The following AGAP1 variants were observed in gnomAD, a reference collection of about 807,000 sequenced individuals.
AGAP1 encodes arf-GAP with GTPase, ANK repeat and PH domain-containing protein 1.
In AGAP1, 29 loss-of-function variants were observed where a neutral mutation model predicts 105.3. The ratio of observed to expected loss-of-function variants is 0.28; its 90% CI spans 0.21 to 0.38. The LOEUF (loss-of-function observed/expected upper bound fraction) is 0.38. Among genes scored for constraint, AGAP1 ranks in the 10% least tolerant of loss-of-function variants. The pLI is 1.00. For synonymous variants in AGAP1, 509 were observed against 485.9 expected, an observed-to-expected ratio of 1.05 and a Z score of -0.63; for missense variants, 998 against 1,165.1, an observed-to-expected ratio of 0.86 and a Z score of 2.09.
chr2:235,833,628 C>A (rs368975196), intron 9 of AGAP1, among the ~76,000 whole-genome samples: 1 of 151,758 alleles, frequency 6.6e-6, no homozygotes, highest in African/African-American at 2.4e-5. Context: ...CTTTTCGTTA[C>A]AGTGAATGTC....
intron 2 of AGAP1, among the ~76,000 whole-genome samples, chr2:235,709,946 G>GTA (rs1179346721): frequency 1.3e-5 from 2 of 152,244 alleles, no homozygotes; most frequent in East Asian, 1.9e-4. Context: ...GTGTATGTAT[G>GTA]TATATATGTG....
chr2:235,544,016 A>C (rs890764848), intron 1 of AGAP1, among the ~76,000 whole-genome samples: 1 of 152,132 alleles, frequency 6.6e-6, no homozygotes, highest in South Asian at 2.1e-4. Context: ...GCCGTGCCCC[A>C]TTCCTCATGT....
intron 10 of AGAP1, among the ~76,000 whole-genome samples, chr2:235,894,028 A>G (rs140106662): frequency 5.8e-4 from 89 of 152,286 alleles, no homozygotes; most frequent in African/African-American, 2.0e-3. Context: ...AATGCTGCAA[A>G]ATCTAAACAC....
chr2:235,746,377 C>CTTTTTCTTTTTTTTTTTTTTTTTTTTT (rs1553620164), intron 5 of AGAP1, among the ~76,000 whole-genome samples: 2 of 55,546 alleles, frequency 3.6e-5, no homozygotes, highest in Non-Finnish European at 6.1e-5. Context: ...CCTCCCCCAA[C>CTTTTTCTTTTTTTTTTTTTTTTTTTTT]TTTTTTTTTT....
chr2:235,672,212 GC>G lies in AGAP1; in HGVS notation c.164-36963del, dbSNP rs554339965. On this transcript the variant is annotated intron_variant, in intron 1 of 17. Transcript: ENST00000304032. ...AGTGGACTTAACAGGTCAGCTGACT[GC>G]CCCTAGGGTTTATGTTAAAACCAAC... Among the ~76,000 whole-genome samples the G allele has an allele frequency of 7.2e-5, 11 of 152,284 alleles. No individual in the cohort carries two copies. The South Asian group carries it at 2.3e-3, about 32-fold the overall frequency.
Position 235,968,498 on chromosome 2 carries a change from G to T in AGAP1, c.1520G>T (p.Ser507Ile). Residue 507 changes from serine (S) to isoleucine (I), a missense_variant, in exon 13 of 18, where the codon AGT becomes ATT. Ser to Ile is a moderately radical substitution (Grantham distance 142). This residue lies in a region of AGAP1 where 735 missense variants were observed against 833.4 expected (regional missense o/e 0.88). Coordinates refer to ENST00000304032, the MANE Select transcript of AGAP1 (RefSeq NM_001037131.3). ...GLGDSVCSSP[S>I]ISSTTSPKLD... ...GGTGACTCCGTATGCTCCAGCCCCA[G>T]TATCTCCAGCACCACCAGCCCCAAG... 1 of 1,609,882 alleles carries T rather than the reference G, an allele frequency of 6.2e-7. No homozygotes were observed. Among genetic ancestry groups the T allele is most frequent in the East Asian group, 2.2e-5 (1 of 44,528 alleles).
intron 3 of AGAP1, among the ~76,000 whole-genome samples, chr2:235,726,679 C>A (rs1008105280): frequency 6.6e-6 from 1 of 152,146 alleles, no homozygotes; most frequent in Non-Finnish European, 1.5e-5. Flanking sequence ...CCACTGTGCC[C>A]CTGGCCAGGG....
At chr2:235,790,807 C>G (rs1408190941) in intron 6 of AGAP1, among the ~76,000 whole-genome samples, 1 of 152,214 alleles carries the variant, frequency 6.6e-6, no homozygotes, top group African/African-American at 2.4e-5. Flanking sequence ...TACAGCATGG[C>G]CTCAAGCATT....
intron 9 of AGAP1, among the ~76,000 whole-genome samples, chr2:235,821,030 A>G (rs2106284724): frequency 6.6e-6 from 1 of 152,366 alleles, no homozygotes; most frequent in Non-Finnish European, 1.5e-5. Context: ...ACTTTGTCCC[A>G]GTGATCTGTC....
chr2:235,686,635 A>G (rs1372043801), intron 1 of AGAP1, among the ~76,000 whole-genome samples: 2 of 48,398 alleles, frequency 4.1e-5, no homozygotes, highest in African/African-American at 2.2e-4. Context: ...ATATATATAT[A>G]TATATATATA....
rs2054846718 is a variant in AGAP1 at position 235,976,070 on chromosome 2, C to G, written c.1645+7447C>G. ...TGTGGAAAACCAAGAATCAGAACAT[C>G]TTCCTGGGAGATACGCTGGAAATGC... On this transcript the variant is annotated intron_variant, in intron 13 of 17. Transcript: ENST00000304032. The surrounding 1 kb of genome is among the most constrained non-coding windows in gnomAD (Gnocchi z 4.5). 6.6e-6 allele frequency among the ~76,000 whole-genome samples: 1 copy of G among 152,154 alleles called. No homozygotes were observed. Among genetic ancestry groups the G allele is most frequent in the African/African-American group, 2.4e-5 (1 of 41,436 alleles).
chr2:235,967,644 T>C lies in AGAP1; in HGVS notation c.1484-818T>C, dbSNP rs1380157170. 1.3e-5 allele frequency among the ~76,000 whole-genome samples: 2 copies of C among 152,220 alleles called. No homozygotes were observed. Among genetic ancestry groups the C allele is most frequent in the East Asian group, 1.9e-4 (1 of 5,200 alleles). On this transcript the variant is annotated intron_variant, in intron 12 of 17. Transcript: ENST00000304032. This position sits in a 1 kb window ranked among gnomAD's most constrained non-coding sequence, Gnocchi z 4.7. ...ATGCTGAATCGTGAAATAAAAACTTTTCAAGACGCCGTAGGCATGCACCAC... is the reference window on the plus strand; with the variant it reads ...ATGCTGAATCGTGAAATAAAAACTTCTCAAGACGCCGTAGGCATGCACCAC...
chr2:235,759,134 G>A (rs998997861), intron 6 of AGAP1, among the ~76,000 whole-genome samples: 3 of 145,538 alleles, frequency 2.1e-5, no homozygotes, highest in South Asian at 4.4e-4. Flanking sequence ...ACATTCTGGT[G>A]TCGTTAGCCC....
At chr2:236,103,877 C>A (rs2059420539) in intron 16 of AGAP1, among the ~76,000 whole-genome samples, 1 of 152,220 alleles carries the variant, frequency 6.6e-6, no homozygotes, top group Admixed American at 6.5e-5. Flanking sequence ...CTCCTGGGCC[C>A]CTTCTAGGCA....
chr2:235,777,560 C>T lies in AGAP1; in HGVS notation c.674-20199C>T, dbSNP rs905471864. On this transcript the variant is annotated intron_variant, in intron 6 of 17. Transcript: ENST00000304032. This position sits in a 1 kb window ranked among gnomAD's most constrained non-coding sequence, Gnocchi z 5.1. ...ATTACGCTGGCTGTACTCGCCATGTCCTGTTGCCATAGAGGACGAGTCACA... is the reference window on the plus strand; with the variant it reads ...ATTACGCTGGCTGTACTCGCCATGTTCTGTTGCCATAGAGGACGAGTCACA... Among the ~76,000 whole-genome samples the T allele has an allele frequency of 2.0e-5, 3 of 152,216 alleles. No homozygotes were observed. The highest frequency in any genetic ancestry group is 7.2e-5 in the African/African-American group (3 of 41,460).
chr2:235,609,668 ATGGTAAACGTCCCTGGTTC>A lies in AGAP1; in HGVS notation c.164-99508_164-99490del, dbSNP rs1946062456. The stretch of plus-strand genomic sequence containing the variant: ...GGTCCCGTGCTGAGGGAGCATCCTT[ATGGTAAACGTCCCTGGTTC>A]TGTACCGGAGGAACAGGAGCTCTGG... On this transcript the variant is annotated intron_variant, in intron 1 of 17. Coordinates refer to ENST00000304032, the MANE Select transcript of AGAP1 (RefSeq NM_001037131.3). The surrounding 1 kb of genome is among the most constrained non-coding windows in gnomAD (Gnocchi z 5.1). Among the ~76,000 whole-genome samples the A allele has an allele frequency of 6.6e-6, 1 of 152,066 alleles. No individual in the cohort carries two copies. The highest frequency in any genetic ancestry group is 2.4e-5 in the African/African-American group (1 of 41,416).
At chr2:235,899,208 G>C (rs1191900474) in intron 10 of AGAP1, among the ~76,000 whole-genome samples, 1 of 152,128 alleles carries the variant, frequency 6.6e-6, no homozygotes, top group Non-Finnish European at 1.5e-5. Context: ...TATATGCTCT[G>C]CTGTCTTAAA....
rs1353027457 is a variant in AGAP1, at chr2:236,131,604, C to T, written c.*7482C>T. The T allele has an allele frequency of 2.0e-5, 3 of 152,036 alleles. No homozygotes were observed. The highest frequency in any genetic ancestry group is 4.4e-5 in the Non-Finnish European group (3 of 68,002). 9.4% of individuals were successfully genotyped at this position (152,036 alleles called of 1,614,324 possible). A position where few individuals can be genotyped will look rare whatever the true frequency, so the allele number is the denominator to read the frequency against. ...ATTAAAACCATTGACAGACATTTCA[C>T]TTTGCTTGTTATTTCATATGATCTT... On this transcript the variant is annotated 3_prime_UTR_variant, in exon 18 of 18. Coordinates refer to ENST00000304032, the MANE Select transcript of AGAP1 (RefSeq NM_001037131.3). The surrounding 1 kb of genome is among the most constrained non-coding windows in gnomAD (Gnocchi z 5.9).
chr2:235,968,400 G>A (rs2125342767), intron 12 of AGAP1, 62 bp from the exon 13 acceptor site: 1 of 1,542,032 alleles, frequency 6.5e-7, no homozygotes, highest in Non-Finnish European at 8.7e-7. Context: ...TGCGCATTCT[G>A]CTTTGTAAGT....
Sources: allele counts gnomAD v4.1 joint callset (sites outside exome capture counted in the v4.1 genomes callset), GRCh38; gene constraint gnomAD v4.1.1; regional missense constraint gnomAD v4.1.1; non-coding constraint Gnocchi (gnomAD v3.1); transcripts MANE v1.5; gene names NCBI Gene and HGNC (gene_info 2026-07-23, HGNC 2026-07-21).